WAC: variants seen among roughly 807,000 people sequenced by gnomAD.
WAC encodes the protein WW domain-containing adapter protein with coiled-coil.
In WAC, 11 loss-of-function variants were observed where a neutral mutation model predicts 79.6. That is an observed-to-expected ratio of 0.14 (90% CI 0.09 to 0.23). The LOEUF (loss-of-function observed/expected upper bound fraction) is 0.23. Ranked by LOEUF, WAC falls within the 10% of genes least tolerant of loss-of-function variation. The pLI, the probability that WAC is intolerant of heterozygous loss-of-function variation, is 1.00. For missense variants in WAC, 728 were observed against 773.5 expected (o/e 0.94, Z 0.70); for synonymous variants, 304 against 276.9 (o/e 1.10, Z -0.97).
At chr10:28,619,475 C>A in intron 13 of WAC, 62 bp from the exon 14 acceptor site, 2 of 1,243,752 alleles carry the variant, frequency 1.6e-6, no homozygotes, top group Admixed American at 3.1e-5. Context: ...ATTATAAAAG[C>A]TCGGGTTTTC....
rs1836949656 is a variant in WAC at position 28,540,468 on chromosome 10, G to A, written c.274+4711G>A. 2.0e-5 allele frequency among the ~76,000 whole-genome samples: 3 copies of A among 152,136 alleles called. No individual in the cohort carries two copies. In the South Asian group the frequency reaches 6.2e-4, roughly 32 times the overall value. ...ACAACTTGCCAAATTATAGTACCTT[G>A]ATAAGATGTATTTGTGTAGTTCTAG... is the stretch of plus-strand genomic sequence containing the variant. On this transcript the variant is annotated intron_variant, in intron 3 of 13. Coordinates refer to ENST00000354911, the MANE Select transcript of WAC (RefSeq NM_016628.5).
rs1259091869 is a variant in WAC, at chr10:28,621,542, A to G, written c.*1936A>G. The G allele has an allele frequency of 1.3e-5, 2 of 152,136 alleles. No homozygotes were observed. Among genetic ancestry groups the G allele is most frequent in the African/African-American group, 4.8e-5 (2 of 41,368 alleles). The allele number at this position is 152,136 out of a possible 1,614,324, so 9.4% of individuals were successfully genotyped here. A position where few individuals can be genotyped will look rare whatever the true frequency, so the allele number is the denominator to read the frequency against. On this transcript the variant is annotated 3_prime_UTR_variant, in exon 14 of 14. Transcript: ENST00000354911. Reference sequence around the variant, plus strand: ...TAAGGATACTTTTTAAATGTAAGAAAAGACATGTCATTAATTTATTGTCAT... The same window carrying G: ...TAAGGATACTTTTTAAATGTAAGAAGAGACATGTCATTAATTTATTGTCAT...
intron 8 of WAC, among the ~76,000 whole-genome samples, chr10:28,610,479 G>C (rs952047623): frequency 6.6e-6 from 1 of 151,382 alleles, no homozygotes; most frequent in Non-Finnish European, 1.5e-5. Flanking sequence ...AAACTCTGTT[G>C]GTTTACCTTT....
chr10:28,570,859 G>A (rs1330245787), intron 3 of WAC, among the ~76,000 whole-genome samples: 1 of 151,398 alleles, frequency 6.6e-6, no homozygotes, highest in East Asian at 1.9e-4. Flanking sequence ...AAAGAACTCT[G>A]TGGCTTTAAA....
chr10:28,579,272 C>T (rs1839409954), intron 3 of WAC, among the ~76,000 whole-genome samples: 1 of 151,354 alleles, frequency 6.6e-6, no homozygotes. Context: ...GCCTCCGTTG[C>T]TTTTTTGGAT....
At chr10:28,573,118 A>ATT (rs35055587) in intron 3 of WAC, among the ~76,000 whole-genome samples, 62,941 of 151,006 alleles carry the variant, frequency 0.42, 13,525 homozygotes, top group African/African-American at 0.52. Context: ...TTACATGGCT[A>ATT]TTTTTTTTTC....
At chr10:28,600,037 C>T (rs979252969) in intron 7 of WAC, among the ~76,000 whole-genome samples, 1 of 152,102 alleles carries the variant, frequency 6.6e-6, no homozygotes, top group South Asian at 2.1e-4. Context: ...AACGTGGGTC[C>T]TTATTGTTTG....
intron 8 of WAC, among the ~76,000 whole-genome samples, chr10:28,609,427 T>C (rs1589238922): frequency 6.6e-6 from 1 of 152,208 alleles, no homozygotes; most frequent in Non-Finnish European, 1.5e-5. Flanking sequence ...TTAAAAGTAG[T>C]GTTAAGTGGT....
chr10:28,539,716 G>T (rs2132336204), intron 3 of WAC, among the ~76,000 whole-genome samples: 1 of 152,066 alleles, frequency 6.6e-6, no homozygotes, highest in Middle Eastern at 3.4e-3. Flanking sequence ...ACGCCATCAT[G>T]CCCGGCTAAT....
intron 1 of WAC, 157 bp downstream of exon 1, chr10:28,533,777 G>T (rs568937137): frequency 1.1e-6 from 1 of 926,356 alleles, no homozygotes; most frequent in East Asian, 3.0e-5. Flanking sequence ...CGGGCGGGCG[G>T]GAACGCAGTG....
Position 28,619,924 on chromosome 10 carries a change from T to TGTA in WAC, c.*318_*319insGTA, listed in dbSNP as rs1399984619. The TGTA allele has an allele frequency of 5.3e-6, 1 of 189,412 alleles. No individual in the cohort carries two copies. Among genetic ancestry groups the TGTA allele is most frequent in the African/African-American group, 2.3e-5 (1 of 42,804 alleles). The allele number at this position is 189,412 out of a possible 1,614,324, so 11.7% of individuals were successfully genotyped here. A position where few individuals can be genotyped will look rare whatever the true frequency, so the allele number is the denominator to read the frequency against. ...TGCTGAGGTGGCTAAATACCTAGCC[T>TGTA]TTTACATGTAAACCTGTCTGCAAAA... On this transcript the variant is annotated 3_prime_UTR_variant, in exon 14 of 14. Coordinates refer to ENST00000354911, the MANE Select transcript of WAC (RefSeq NM_016628.5).
chr10:28,545,229 T>C (rs909363261), intron 3 of WAC, among the ~76,000 whole-genome samples: 12 of 152,024 alleles, frequency 7.9e-5, no homozygotes, highest in African/African-American at 2.9e-4. Flanking sequence ...CAGTGGGTCA[T>C]GCACGTAATC....
chr10:28,619,759 G>A lies in WAC; in HGVS notation c.*153G>A. 3.7e-6 allele frequency: 2 copies of A among 540,584 alleles called. No homozygotes were observed. The highest frequency in any genetic ancestry group is 6.4e-6 in the Non-Finnish European group (2 of 311,058). The allele number at this position is 540,584 out of a possible 1,614,324, so 33.5% of individuals were successfully genotyped here. A position where few individuals can be genotyped will look rare whatever the true frequency, so the allele number is the denominator to read the frequency against. Reference sequence around the variant, plus strand: ...CGGGGTCTGTGAGAGTCAATTCAGGGGAAAGATACAAGATTGATTTGTAAA... The same window carrying A: ...CGGGGTCTGTGAGAGTCAATTCAGGAGAAAGATACAAGATTGATTTGTAAA... On this transcript the variant is annotated 3_prime_UTR_variant, in exon 14 of 14. Coordinates refer to ENST00000354911, the MANE Select transcript of WAC (RefSeq NM_016628.5).
At chr10:28,567,467 A>C (rs763485374) in intron 3 of WAC, among the ~76,000 whole-genome samples, 1 of 152,104 alleles carries the variant, frequency 6.6e-6, no homozygotes, top group Non-Finnish European at 1.5e-5. Context: ...ATTTATTTGG[A>C]AGAGAGTGAT....
In WAC at chr10:28,547,770, C is replaced by G. The variant is rs539084947; in HGVS notation, c.274+12013C>G. Among the ~76,000 whole-genome samples, 53 of 152,142 alleles carry G rather than the reference C, an allele frequency of 3.5e-4. No homozygotes were observed. In the East Asian group the frequency reaches 6.8e-3, roughly 19 times the overall value. The stretch of plus-strand genomic sequence containing the variant: ...ATGACTCCTAATTTACTCTCCTACC[C>G]AGCTTGAAAATTTAGAGTTTTTCCT... On this transcript the variant is annotated intron_variant, in intron 3 of 13. Coordinates refer to ENST00000354911, the MANE Select transcript of WAC (RefSeq NM_016628.5).
rs564655021 is a variant in WAC at position 28,563,285 on chromosome 10, A to G, written c.275-20114A>G. Among the ~76,000 whole-genome samples, 16 of 152,220 alleles carry G rather than the reference A, an allele frequency of 1.1e-4. No individual in the cohort carries two copies. In the South Asian group the frequency reaches 1.5e-3, roughly 14 times the overall value. ...AAGATTAGTAATACCCAGTGTTCCT[A>G]TCTTTTCTTAATTTTCACTTAATGG... On this transcript the variant is annotated intron_variant, in intron 3 of 13. Transcript: ENST00000354911.
intron 3 of WAC, among the ~76,000 whole-genome samples, chr10:28,538,866 TA>T (rs5784069): frequency 0.56 from 71,316 of 126,778 alleles, 19,283 homozygotes; most frequent in East Asian, 0.65. Context: ...CCCGTCTGTT[TA>T]AAAAAAAAAA....
At chr10:28,616,907 C>A (rs1001762556) in intron 12 of WAC, among the ~76,000 whole-genome samples, 1 of 152,190 alleles carries the variant, frequency 6.6e-6, no homozygotes, top group Non-Finnish European at 1.5e-5. Context: ...CATGGTGAAA[C>A]CCCATCTCTA....
chr10:28,542,576 C>G lies in WAC; in HGVS notation c.274+6819C>G, dbSNP rs1009717866. Among the ~76,000 whole-genome samples the G allele has an allele frequency of 1.7e-4, 26 of 152,134 alleles. 1 individual carries two copies. Among genetic ancestry groups the G allele is most frequent in the Admixed American group, 1.4e-3 (22 of 15,272 alleles). The stretch of plus-strand genomic sequence containing the variant: ...AAAACCTGACTTCTTGTGAAAGTGG[C>G]CACTCATTGGAAGGGTTGCAGTTCA... On this transcript the variant is annotated intron_variant, in intron 3 of 13. Transcript: ENST00000354911.
Sources: allele counts gnomAD v4.1 joint callset (sites outside exome capture counted in the v4.1 genomes callset), GRCh38; gene constraint gnomAD v4.1.1; transcripts MANE v1.5; gene names NCBI Gene and HGNC (gene_info 2026-07-23, HGNC 2026-07-21).